ZNF865: variants seen among roughly 807,000 people sequenced by gnomAD.
ZNF865 encodes zinc finger protein 865.
For synonymous variants in ZNF865, 763 were observed against 750.8 expected (o/e 1.02, Z -0.27); for missense variants, 1,311 against 1,593.4 (o/e 0.82, Z 3.02).
chr19:55,615,889 G>A lies in ZNF865; in HGVS notation c.2271G>A (p.Val757=), dbSNP rs955400575. The A allele has an allele frequency of 3.4e-6, 5 of 1,473,566 alleles. No individual in the cohort carries two copies. The highest frequency in any genetic ancestry group is 4.5e-6 in the Non-Finnish European group (5 of 1,120,098). The allele number at this position is 1,473,566 out of a possible 1,614,324, so 91.3% of individuals were successfully genotyped here. Residue 757 remains valine, a synonymous_variant, in exon 2 of 2, where the codon GTG becomes GTA. Transcript: ENST00000568956. ...TGGACAACGGGCTGGCGGGGGAGGT[G>A]GGGGCGGCCGTGGCGGCACTGGCAG... The part of the protein sequence containing the change: ...SVLDNGLAGE[V]GAAVAALAGV...
Position 55,615,606 on chromosome 19 carries a change from C to G in ZNF865, c.1988C>G (p.Pro663Arg), listed in dbSNP as rs2123593512. The change falls in exon 2 of 2, where the codon CCC (proline) becomes CGC (arginine). Residue 663 changes from proline (P) to arginine (R), a missense_variant. By Grantham distance (103) the Pro-to-Arg change is moderately radical (BLOSUM62 -2). Coordinates refer to ENST00000568956, the MANE Select transcript of ZNF865 (RefSeq NM_001195605.2). ...GGGGCCTCGGGCACGTCTGCAGGGC[C>G]CACCGATGGGCTGAGCTACGCCTGC... ...GPGASGTSAG[P>R]TDGLSYACSD... The G allele has an allele frequency of 2.0e-6, 3 of 1,533,326 alleles. No homozygotes were observed. Among genetic ancestry groups the G allele is most frequent in the Non-Finnish European group, 2.6e-6 (3 of 1,145,812 alleles). The allele number at this position is 1,533,326 out of a possible 1,614,324, so 95.0% of individuals were successfully genotyped here. A position where few individuals can be genotyped will look rare whatever the true frequency, so the allele number is the denominator to read the frequency against.
rs1268486132 is a variant in ZNF865 at position 55,614,531 on chromosome 19, ACCG to A, written c.922_924del (p.Ala308del). The stretch of plus-strand genomic sequence containing the variant: ...CCCAGCACCCGCTGCCAGCGCCGCC[ACCG>A]CCGCCGCCCCCTCCACGGTGTCCTC... On this transcript the variant is annotated inframe_deletion, in exon 2 of 2. Transcript: ENST00000568956. The surrounding 1 kb of genome is among the most constrained non-coding windows in gnomAD (Gnocchi z 8.0). 4.0e-6 allele frequency: 5 copies of A among 1,261,630 alleles called. No individual in the cohort carries two copies. The highest frequency in any genetic ancestry group is 4.2e-5 in the East Asian group (1 of 23,924). The allele number at this position is 1,261,630 out of a possible 1,614,324, so 78.2% of individuals were successfully genotyped here. A position where few individuals can be genotyped will look rare whatever the true frequency, so the allele number is the denominator to read the frequency against.
At position 55,613,809 on chromosome 19, in the gene ZNF865, C is replaced by T. The variant is rs1269153472; in HGVS notation, c.191C>T (p.Pro64Leu). 3.2e-5 allele frequency: 48 copies of T among 1,504,504 alleles called. No individual in the cohort carries two copies. In the Admixed American group the frequency reaches 6.6e-4, roughly 21 times the overall value. 93.2% of individuals were successfully genotyped at this position (1,504,504 alleles called of 1,614,324 possible). ...GCGGCCCTGCCCTGCGCCCCCGGCC[C>T]CCCGCCGCAGCCCCCGCCGCAGCCC... is the stretch of plus-strand genomic sequence containing the variant. Reference protein sequence around the residue: ...AVAALPCAPGPPPQPPPQPPP... With the variant: ...AVAALPCAPGLPPQPPPQPPP... The change falls in exon 2 of 2, where the codon CCC (proline) becomes CTC (leucine). Residue 64 changes from proline to leucine, a missense_variant. Pro to Leu is a moderately conservative substitution (Grantham distance 98). Transcript: ENST00000568956.
At chr19:55,610,095 T>C (rs1981077632) in intron 1 of ZNF865, among the ~76,000 whole-genome samples, 1 of 152,234 alleles carries the variant, frequency 6.6e-6, no homozygotes, top group Admixed American at 6.5e-5. Context: ...TCCGTTCCTC[T>C]GGGAGTTTGA....
rs916989994 is a variant in ZNF865, at chr19:55,614,898, C to T, written c.1280C>T (p.Ala427Val). 51 of 1,493,088 alleles carry T rather than the reference C, an allele frequency of 3.4e-5. No homozygotes were observed. The highest frequency in any genetic ancestry group is 4.3e-5 in the Non-Finnish European group (48 of 1,126,114). The allele number at this position is 1,493,088 out of a possible 1,614,324, so 92.5% of individuals were successfully genotyped here. The change falls in exon 2 of 2, where the codon GCG becomes GTG. Residue 427 changes from alanine (A) to valine (V), a missense_variant. Transcript: ENST00000568956. This position sits in a 1 kb window ranked among gnomAD's most constrained non-coding sequence, Gnocchi z 8.0. Reference sequence around the variant, plus strand: ...GCCTCCTACCTCCTCAAGCACCAGGCGGCCCACGCGGGGGCGGGCGCCGGG... The same window carrying T: ...GCCTCCTACCTCCTCAAGCACCAGGTGGCCCACGCGGGGGCGGGCGCCGGG... ...RDASYLLKHQ[A>V]AHAGAGAGGP...
At position 55,611,632 on chromosome 19, in the gene ZNF865, ACACT is replaced by A. The variant is rs1176480878; in HGVS notation, c.-26-1957_-26-1954del. On this transcript the variant is annotated intron_variant, in intron 1 of 1. Transcript: ENST00000568956. This position sits in a 1 kb window ranked among gnomAD's most constrained non-coding sequence, Gnocchi z 4.5. ...GGCGTTTGGGGTGGGGGTGGAAGAG[ACACT>A]CACCCCTCACCTGTGGGAGGAGAGA... Among the ~76,000 whole-genome samples, 6 of 152,216 alleles carry A rather than the reference ACACT, an allele frequency of 3.9e-5. No individual in the cohort carries two copies. Among genetic ancestry groups the A allele is most frequent in the Middle Eastern group, 3.4e-3 (1 of 294 alleles).
At chr19:55,612,590 C>T (rs145452872) in intron 1 of ZNF865, 601 of 152,512 alleles carry the variant, frequency 3.9e-3, no homozygotes, top group Non-Finnish European at 6.1e-3. Context: ...TAGCCTTCAC[C>T]TCCCGGGCTC....
rs1371398176 is a variant in ZNF865 at position 55,613,789 on chromosome 19, C to G, written c.171C>G (p.Ala57=). ...GGGAACACGCCAAGGCGGTGGCGGC[C>G]CTGCCCTGCGCCCCCGGCCCCCCGC... ...LYGEHAKAVA[A]LPCAPGPPPQ... Residue 57 remains alanine, a synonymous_variant, in exon 2 of 2, where the codon GCC becomes GCG. Transcript: ENST00000568956. The G allele has an allele frequency of 6.5e-7, 1 of 1,531,582 alleles. No individual in the cohort carries two copies. Among genetic ancestry groups the G allele is most frequent in the Non-Finnish European group, 8.7e-7 (1 of 1,144,644 alleles). The allele number at this position is 1,531,582 out of a possible 1,614,324, so 94.9% of individuals were successfully genotyped here.
rs747896433 is a variant in ZNF865 at position 55,614,454 on chromosome 19, C to T, written c.836C>T (p.Pro279Leu). The change falls in exon 2 of 2, where the codon CCG (proline) becomes CTG (leucine). Residue 279 changes from proline to leucine, a missense_variant. By Grantham distance (98) the Pro-to-Leu change is moderately conservative. Coordinates refer to ENST00000568956, the MANE Select transcript of ZNF865 (RefSeq NM_001195605.2). This position sits in a 1 kb window ranked among gnomAD's most constrained non-coding sequence, Gnocchi z 8.0. ...RHRRCHKDVP[P>L]AAGGPPQPGP... The stretch of plus-strand genomic sequence containing the variant: ...CGCCGCTGCCACAAGGACGTGCCAC[C>T]GGCCGCGGGGGGCCCGCCCCAGCCC... 40 of 1,427,118 alleles carry T rather than the reference C, an allele frequency of 2.8e-5. No individual in the cohort carries two copies. In the South Asian group the frequency reaches 4.4e-4, roughly 16 times the overall value. 88.4% of individuals were successfully genotyped at this position (1,427,118 alleles called of 1,614,324 possible).
chr19:55,614,910 G>T lies in ZNF865; in HGVS notation c.1292G>T (p.Gly431Val). 1.3e-6 allele frequency: 2 copies of T among 1,486,846 alleles called. No homozygotes were observed. The highest frequency in any genetic ancestry group is 1.3e-5 in the South Asian group (1 of 76,754). The allele number at this position is 1,486,846 out of a possible 1,614,324, so 92.1% of individuals were successfully genotyped here. A position where few individuals can be genotyped will look rare whatever the true frequency, so the allele number is the denominator to read the frequency against. The change falls in exon 2 of 2, where the codon GGG (glycine) becomes GTG (valine). Residue 431 changes from glycine (G) to valine (V), a missense_variant. By Grantham distance (109) the Gly-to-Val change is moderately radical. Transcript: ENST00000568956. The surrounding 1 kb of genome is among the most constrained non-coding windows in gnomAD (Gnocchi z 8.0). ...CTCAAGCACCAGGCGGCCCACGCGGGGGCGGGCGCCGGGGGGCCTCGGCCC... is the reference window on the plus strand; with the variant it reads ...CTCAAGCACCAGGCGGCCCACGCGGTGGCGGGCGCCGGGGGGCCTCGGCCC... ...YLLKHQAAHA[G>V]AGAGGPRPVY...
chr19:55,615,834 G>A lies in ZNF865; in HGVS notation c.2216G>A (p.Gly739Asp), dbSNP rs1324599335. Residue 739 changes from glycine to aspartate, a missense_variant, in exon 2 of 2, where the codon GGC becomes GAC. Coordinates refer to ENST00000568956, the MANE Select transcript of ZNF865 (RefSeq NM_001195605.2). ...PAPGGLQPPD[G>D]SSGTDAASVL... ...CCCGGCGGCCTGCAGCCCCCGGACG[G>A]CTCCAGCGGCACGGATGCGGCCAGC... is the stretch of plus-strand genomic sequence containing the variant. The A allele has an allele frequency of 2.5e-5, 38 of 1,503,824 alleles. No homozygotes were observed. Among genetic ancestry groups the A allele is most frequent in the Non-Finnish European group, 3.2e-5 (36 of 1,133,260 alleles). The allele number at this position is 1,503,824 out of a possible 1,614,324, so 93.2% of individuals were successfully genotyped here. A position where few individuals can be genotyped will look rare whatever the true frequency, so the allele number is the denominator to read the frequency against.
chr19:55,613,510 G>T (rs1029288094), intron 1 of ZNF865, 83 bp from the exon 2 acceptor site: 9 of 1,259,752 alleles, frequency 7.1e-6, no homozygotes, highest in Non-Finnish European at 8.5e-6. Context: ...CACAAGGATG[G>T]ATGAGTGGGC....
intron 1 of ZNF865, among the ~76,000 whole-genome samples, chr19:55,607,127 TG>T (rs1188812382): frequency 6.6e-6 from 1 of 152,182 alleles, no homozygotes; most frequent in Non-Finnish European, 1.5e-5. Flanking sequence ...ATCTAGCCTT[TG>T]TCAGCTCTAC....
At position 55,616,876 on chromosome 19, in the gene ZNF865, C is replaced by G; in HGVS notation, c.*78C>G. ...TCCCAGGACTGATCAGACTCTTCCC[C>G]CCTCCTCGCTGTTGCCCCATCCTTC... On this transcript the variant is annotated 3_prime_UTR_variant, in exon 2 of 2. Coordinates refer to ENST00000568956, the MANE Select transcript of ZNF865 (RefSeq NM_001195605.2). The G allele has an allele frequency of 7.3e-7, 1 of 1,365,580 alleles. No individual in the cohort carries two copies. The highest frequency in any genetic ancestry group is 1.5e-5 in the African/African-American group (1 of 66,516). The allele number at this position is 1,365,580 out of a possible 1,614,324, so 84.6% of individuals were successfully genotyped here. A position where few individuals can be genotyped will look rare whatever the true frequency, so the allele number is the denominator to read the frequency against.
intron 1 of ZNF865, among the ~76,000 whole-genome samples, chr19:55,607,946 A>G (rs996904479): frequency 6.6e-6 from 1 of 152,232 alleles, no homozygotes; most frequent in Non-Finnish European, 1.5e-5. Flanking sequence ...TGGAACAGTG[A>G]GCAAGAGATA....
chr19:55,608,153 A>G (rs1981006247), intron 1 of ZNF865, among the ~76,000 whole-genome samples: 2 of 152,150 alleles, frequency 1.3e-5, no homozygotes, highest in African/African-American at 4.8e-5. Context: ...CAGTTGACCA[A>G]AGATGGGGAG....
chr19:55,608,740 A>G (rs1211665475), intron 1 of ZNF865, among the ~76,000 whole-genome samples: 1 of 152,182 alleles, frequency 6.6e-6, no homozygotes, highest in African/African-American at 2.4e-5. Context: ...TGAAGTTTGA[A>G]TGAAACAAGC....
Position 55,616,413 on chromosome 19 carries a change from A to T in ZNF865, c.2795A>T (p.Gln932Leu). ...HRRLHAVARPQRCSACGKTFR... is the reference protein window; with the variant it reads ...HRRLHAVARPLRCSACGKTFR... ...CGGCTGCACGCTGTGGCCCGGCCCC[A>T]GCGCTGCAGCGCCTGTGGCAAGACC... The change falls in exon 2 of 2, where the codon CAG becomes CTG. Residue 932 changes from glutamine to leucine, a missense_variant. Gln to Leu is a moderately radical substitution (Grantham distance 113). Coordinates refer to ENST00000568956, the MANE Select transcript of ZNF865 (RefSeq NM_001195605.2). 1 of 1,503,328 alleles carries T rather than the reference A, an allele frequency of 6.7e-7. No homozygotes were observed. The highest frequency in any genetic ancestry group is 8.8e-7 in the Non-Finnish European group (1 of 1,132,338). 93.1% of individuals were successfully genotyped at this position (1,503,328 alleles called of 1,614,324 possible).
intron 1 of ZNF865, among the ~76,000 whole-genome samples, chr19:55,607,347 C>T (rs1234933577): frequency 6.6e-6 from 1 of 151,554 alleles, no homozygotes; most frequent in Non-Finnish European, 1.5e-5. Context: ...TGCCTGTAAT[C>T]CCAGCAGTTG....
Sources: allele counts gnomAD v4.1 joint callset (sites outside exome capture counted in the v4.1 genomes callset), GRCh38; gene constraint gnomAD v4.1.1; non-coding constraint Gnocchi (gnomAD v3.1); transcripts MANE v1.5; gene names NCBI Gene and HGNC (gene_info 2026-07-23, HGNC 2026-07-21).